The following NRTN variants were observed in gnomAD, a reference collection of about 807,000 sequenced individuals.
NRTN encodes prepro-neurturin.
A neutral mutation model predicts 7.5 loss-of-function variants in NRTN; 3 were observed. The observed-to-expected ratio is 0.40, with a 90% CI of 0.18 to 1.03. The LOEUF (loss-of-function observed/expected upper bound fraction) is 1.03, where lower values mean the gene tolerates loss of function less well. Ranked by LOEUF, NRTN falls within the 50% of genes least tolerant of loss-of-function variation. NRTN has a pLI of 0.34. For synonymous variants in NRTN, 157 were observed against 146.6 expected, an observed-to-expected ratio of 1.07 and a Z score of -0.51; for missense variants, 310 against 307.0, an observed-to-expected ratio of 1.01 and a Z score of -0.07.
At chr19:5,808,248 G>A (rs1453572923) in intron 1 of NRTN, among the ~76,000 whole-genome samples, 1 of 152,174 alleles carries the variant, frequency 6.6e-6, no homozygotes, top group African/African-American at 2.4e-5. Flanking sequence ...CGCTCCCGGA[G>A]GACCCATGTC....
intron 1 of NRTN, among the ~76,000 whole-genome samples, chr19:5,810,678 A>T (rs1261462331): frequency 6.6e-6 from 1 of 152,102 alleles, no homozygotes; most frequent in African/African-American, 2.4e-5. Flanking sequence ...TCGTGCCTGT[A>T]ATCCCAGCAC....
In NRTN at chr19:5,806,379, A is replaced by AG. The variant is rs1225262385; in HGVS notation, c.-399+934dup. 6.6e-6 allele frequency among the ~76,000 whole-genome samples: 1 copy of AG among 152,086 alleles called. No homozygotes were observed. Among genetic ancestry groups the AG allele is most frequent in the Non-Finnish European group, 1.5e-5 (1 of 68,006 alleles). On this transcript the variant is annotated intron_variant, in intron 1 of 2. Coordinates refer to ENST00000303212, the MANE Select transcript of NRTN (RefSeq NM_004558.5). The surrounding 1 kb of genome is among the most constrained non-coding windows in gnomAD (Gnocchi z 5.4). ...GGGAGTGGGGCCAGGGGCTTAAAGC[A>AG]GGGGGGTGCAGGAGGCCGGACCCCT...
At chr19:5,810,927 C>CA (rs58641753) in intron 1 of NRTN, among the ~76,000 whole-genome samples, 149 of 136,378 alleles carry the variant, frequency 1.1e-3, no homozygotes, top group African/African-American at 2.3e-3. Context: ...GACTCCATCT[C>CA]AAAAAAAAAA....
intron 1 of NRTN, among the ~76,000 whole-genome samples, chr19:5,810,242 G>A (rs1330367741): frequency 6.7e-6 from 1 of 150,032 alleles, no homozygotes; most frequent in Non-Finnish European, 1.5e-5. Context: ...ACTCCAGCCT[G>A]GGGACAGAGC....
intron 1 of NRTN, among the ~76,000 whole-genome samples, chr19:5,816,648 C>T (rs1216315217): frequency 6.6e-6 from 1 of 152,176 alleles, no homozygotes; most frequent in Middle Eastern, 3.2e-3. Flanking sequence ...TCCCAAAGTG[C>T]TGGGATTACA....
chr19:5,820,355 A>G (rs2057019733), intron 1 of NRTN, among the ~76,000 whole-genome samples: 1 of 148,276 alleles, frequency 6.7e-6, no homozygotes, highest in Non-Finnish European at 1.5e-5. Flanking sequence ...TCACAAGGTG[A>G]GGAGATCAAG....
chr19:5,826,096 C>T (rs1188739872), intron 2 of NRTN, among the ~76,000 whole-genome samples: 1 of 151,654 alleles, frequency 6.6e-6, no homozygotes, highest in South Asian at 2.1e-4. Flanking sequence ...GATCGCGCCA[C>T]TGCACTCCAG....
chr19:5,815,796 G>A (rs2057003560), intron 1 of NRTN, among the ~76,000 whole-genome samples: 2 of 147,098 alleles, frequency 1.4e-5, no homozygotes, highest in South Asian at 4.3e-4. Flanking sequence ...CCAGGCTGGA[G>A]TGCAATGGTG....
chr19:5,813,664 G>A (rs540578218), intron 1 of NRTN, among the ~76,000 whole-genome samples: 1 of 148,380 alleles, frequency 6.7e-6, no homozygotes, highest in Non-Finnish European at 1.5e-5. Context: ...TTGGGCAACA[G>A]AGCAAGACTC....
At chr19:5,808,064 C>T (rs1182846116) in intron 1 of NRTN, among the ~76,000 whole-genome samples, 1 of 152,170 alleles carries the variant, frequency 6.6e-6, no homozygotes, top group Admixed American at 6.5e-5. Flanking sequence ...GCCTGGGTGA[C>T]AGAGTGAGAC....
intron 1 of NRTN, among the ~76,000 whole-genome samples, chr19:5,820,008 T>C (rs1370292833): frequency 1.3e-5 from 2 of 152,170 alleles, no homozygotes; most frequent in Admixed American, 1.3e-4. Context: ...GGCTCTCGCC[T>C]GTAATCCCAG....
Position 5,827,960 on chromosome 19 carries a change from C to G in NRTN, c.381C>G (p.Phe127Leu), listed in dbSNP as rs766663423. The change falls in exon 3 of 3, where the codon TTC becomes TTG. Residue 127 changes from phenylalanine (F) to leucine (L), a missense_variant. By Grantham distance (22) the Phe-to-Leu change is conservative (BLOSUM62 0). Transcript: ENST00000303212. The stretch of plus-strand genomic sequence containing the variant: ...ACGCGTCCGACGAGACGGTGCTGTT[C>G]CGCTACTGCGCAGGCGCCTGCGAGG... Reference protein sequence around the residue: ...LGYASDETVLFRYCAGACEAA... With the variant: ...LGYASDETVLLRYCAGACEAA... 1.3e-6 allele frequency: 2 copies of G among 1,488,210 alleles called. No individual in the cohort carries two copies. Among genetic ancestry groups the G allele is most frequent in the Admixed American group, 2.2e-5 (1 of 46,150 alleles). The allele number at this position is 1,488,210 out of a possible 1,614,324, so 92.2% of individuals were successfully genotyped here.
rs147781137 is a variant in NRTN at position 5,824,970 on chromosome 19, C to T, written c.169+636C>T. On this transcript the variant is annotated intron_variant, in intron 2 of 2. Coordinates refer to ENST00000303212, the MANE Select transcript of NRTN (RefSeq NM_004558.5). ...CAGATGGAGATTAGACCTGGGCATT[C>T]GCCTGGTTGGCCCCCGCGGCGCAGC... Among the ~76,000 whole-genome samples, 304 of 152,044 alleles carry T rather than the reference C, an allele frequency of 2.0e-3. 4 individuals carry two copies. The highest frequency in any genetic ancestry group is 7.1e-3 in the African/African-American group (294 of 41,472).
chr19:5,809,395 A>T (rs1407668843), intron 1 of NRTN, among the ~76,000 whole-genome samples: 2 of 149,416 alleles, frequency 1.3e-5, no homozygotes, highest in African/African-American at 4.9e-5. Context: ...TGGTCTCAAA[A>T]CCCTGGGCTC....
At chr19:5,812,460 T>C (rs1599634735) in intron 1 of NRTN, among the ~76,000 whole-genome samples, 1 of 152,230 alleles carries the variant, frequency 6.6e-6, no homozygotes, top group East Asian at 1.9e-4. Context: ...GCTGGGGGTG[T>C]CTGTGTCTGC....
At chr19:5,810,746 T>C (rs142245101) in intron 1 of NRTN, among the ~76,000 whole-genome samples, 50 of 151,618 alleles carry the variant, frequency 3.3e-4, no homozygotes, top group East Asian at 1.9e-4. Flanking sequence ...CTGGCCAACA[T>C]GGTGAAACCC....
intron 1 of NRTN, among the ~76,000 whole-genome samples, chr19:5,811,771 G>A (rs775658033): frequency 1.6e-4 from 24 of 151,104 alleles, no homozygotes; most frequent in Non-Finnish European, 3.2e-4. Flanking sequence ...GGCTGGTCTC[G>A]AACTCCTGGC....
chr19:5,813,114 C>T (rs1322562785), intron 1 of NRTN, among the ~76,000 whole-genome samples: 2 of 151,842 alleles, frequency 1.3e-5, no homozygotes, highest in Non-Finnish European at 2.9e-5. Context: ...GTGGCTCACA[C>T]CTGTAATCAC....
At chr19:5,825,420 G>A (rs1340564033) in intron 2 of NRTN, among the ~76,000 whole-genome samples, 3 of 152,180 alleles carry the variant, frequency 2.0e-5, no homozygotes, top group African/African-American at 7.2e-5. Context: ...ACGCCCATGT[G>A]CGCGTCTGCG....
Sources: allele counts gnomAD v4.1 joint callset (sites outside exome capture counted in the v4.1 genomes callset), GRCh38; gene constraint gnomAD v4.1.1; non-coding constraint Gnocchi (gnomAD v3.1); transcripts MANE v1.5; gene names NCBI Gene and HGNC (gene_info 2026-07-23, HGNC 2026-07-21).